PHAX: variants seen among roughly 807,000 people sequenced by gnomAD.
PHAX encodes phosphorylated adaptor for RNA export, also known as phosphorylated adapter RNA export protein.
Under a neutral mutation model 41.6 loss-of-function variants are expected in PHAX, and 31 were observed. The observed-to-expected ratio is 0.75, with a 90% CI of 0.56 to 1.01. PHAX has a LOEUF of 1.01. Among genes scored for constraint, PHAX ranks in the 50% least tolerant of loss-of-function variants. The pLI, the probability that PHAX is intolerant of heterozygous loss-of-function variation, is 0.00. For missense variants in PHAX, 453 were observed against 472.9 expected (o/e 0.96, Z 0.39); for synonymous variants, 175 against 164.9 (o/e 1.06, Z -0.47).
chr5:126,618,844 A>G (rs1006586013), intron 4 of PHAX, among the ~76,000 whole-genome samples: 1 of 151,958 alleles, frequency 6.6e-6, no homozygotes. Flanking sequence ...ATTTTAGTAG[A>G]GATGGGGTTT....
At position 126,611,135 on chromosome 5, in the gene PHAX, A is replaced by C. The variant is rs1752090268; in HGVS notation, c.831+2651A>C. 2.7e-5 allele frequency among the ~76,000 whole-genome samples: 4 copies of C among 150,144 alleles called. No homozygotes were observed. In the South Asian group the frequency reaches 8.4e-4, roughly 31 times the overall value. On this transcript the variant is annotated intron_variant, in intron 3 of 4. Transcript: ENST00000297540. ...CAATGGCGCAATCTTGGCTCACCAC[A>C]ACCTCTGCCTCCCGGGTTCAAGCGA...
rs1420798699 is a variant in PHAX at position 126,625,143 on chromosome 5, A to C, written c.*299A>C. 1 of 260,344 alleles carries C rather than the reference A, an allele frequency of 3.8e-6. No homozygotes were observed. The highest frequency in any genetic ancestry group is 7.5e-5 in the East Asian group (1 of 13,320). 16.1% of individuals were successfully genotyped at this position (260,344 alleles called of 1,614,324 possible). ...GTCTAGGTCATAACATACCATTTGT[A>C]AGTTTGTTTGCTTTTTCAGGTTTAT... On this transcript the variant is annotated 3_prime_UTR_variant, in exon 5 of 5. Transcript: ENST00000297540.
intron 2 of PHAX, among the ~76,000 whole-genome samples, chr5:126,604,931 G>T (rs2112829293): frequency 6.6e-6 from 1 of 152,142 alleles, no homozygotes. Flanking sequence ...CTACTCGGGA[G>T]GCTGAGGCAG....
rs144924147 is a variant in PHAX at position 126,608,805 on chromosome 5, A to G, written c.831+321A>G. Reference sequence around the variant, plus strand: ...TACAAAATTAGCCAAGCGTGGTGGCACATACCTGTAATCGCAGCTACTCAG... The same window carrying G: ...TACAAAATTAGCCAAGCGTGGTGGCGCATACCTGTAATCGCAGCTACTCAG... On this transcript the variant is annotated intron_variant, in intron 3 of 4. Coordinates refer to ENST00000297540, the MANE Select transcript of PHAX (RefSeq NM_032177.4). Among the ~76,000 whole-genome samples the G allele has an allele frequency of 6.8e-3, 1,037 of 151,912 alleles. 12 individuals carry two copies. The highest frequency in any genetic ancestry group is 0.019 in the African/African-American group (787 of 41,438).
intron 3 of PHAX, among the ~76,000 whole-genome samples, chr5:126,612,327 G>A (rs1417613421): frequency 6.6e-6 from 1 of 152,122 alleles, no homozygotes; most frequent in Non-Finnish European, 1.5e-5. Flanking sequence ...AGGTCTAGTG[G>A]GAACTTGTTT....
intron 2 of PHAX, among the ~76,000 whole-genome samples, chr5:126,605,166 ATTTTT>A (rs879878122): frequency 7.0e-6 from 1 of 143,448 alleles, no homozygotes; most frequent in East Asian, 2.0e-4. Flanking sequence ...CTGTCCACAG[ATTTTT>A]TTTTTTTTTT....
chr5:126,624,619 A>G lies in PHAX; in HGVS notation c.960A>G (p.Lys320=), dbSNP rs1468349134. Residue 320 remains lysine, a synonymous_variant, in exon 5 of 5, where the codon AAA becomes AAG. Transcript: ENST00000297540. ...ACCAAAAGGAATATGAAAATAAAAA[A>G]GCTGCTAGGAAGAGGAGAACACAAG... ...IENQKEYENK[K]AARKRRTQVL... The G allele has an allele frequency of 1.7e-5, 28 of 1,603,404 alleles. No homozygotes were observed. The highest frequency in any genetic ancestry group is 1.7e-4 in the Middle Eastern group (1 of 6,024).
chr5:126,602,848 CA>C (rs1235012605), intron 1 of PHAX, among the ~76,000 whole-genome samples: 6 of 151,732 alleles, frequency 4.0e-5, no homozygotes, highest in Non-Finnish European at 7.4e-5. Flanking sequence ...ACTAAAAATA[CA>C]AAAAAATTAG....
At chr5:126,609,186 C>T (rs1051490632) in intron 3 of PHAX, among the ~76,000 whole-genome samples, 1 of 148,006 alleles carries the variant, frequency 6.8e-6, no homozygotes, top group African/African-American at 2.5e-5. Flanking sequence ...CTGCAACCTC[C>T]GCCTCCCGAG....
chr5:126,609,588 A>G (rs1025460953), intron 3 of PHAX, among the ~76,000 whole-genome samples: 1 of 152,108 alleles, frequency 6.6e-6, no homozygotes, highest in Non-Finnish European at 1.5e-5. Context: ...GATTAGTCCT[A>G]CATTTTAAGG....
rs1449752541 is a variant in PHAX, at chr5:126,625,859, C to T, written c.*1015C>T. ...GGGATCACAGGTGTGTACCACCACGCCCAGCTGATTTTTGTATTTTTAGTA... is the reference window on the plus strand; with the variant it reads ...GGGATCACAGGTGTGTACCACCACGTCCAGCTGATTTTTGTATTTTTAGTA... On this transcript the variant is annotated 3_prime_UTR_variant, in exon 5 of 5. Transcript: ENST00000297540. 6.6e-6 allele frequency: 1 copy of T among 151,936 alleles called. No homozygotes were observed. Among genetic ancestry groups the T allele is most frequent in the Non-Finnish European group, 1.5e-5 (1 of 68,018 alleles). 9.4% of individuals were successfully genotyped at this position (151,936 alleles called of 1,614,324 possible). A position where few individuals can be genotyped will look rare whatever the true frequency, so the allele number is the denominator to read the frequency against.
At position 126,603,577 on chromosome 5, in the gene PHAX, T is replaced by C. The variant is rs1751937052; in HGVS notation, c.104T>C (p.Leu35Pro). Residue 35 changes from leucine to proline, a missense_variant, in exon 2 of 5, where the codon CTA (leucine) becomes CCA (proline). Leu to Pro is a moderately conservative substitution (Grantham distance 98). Coordinates refer to ENST00000297540, the MANE Select transcript of PHAX (RefSeq NM_032177.4). The part of the protein sequence containing the change: ...SDRPLQLPKV[L>P]GGDSAMRAFQ... ...GTTTCTTTTCACTTGCAGAAAGTGC[T>C]AGGTGGCGACAGTGCTATGAGGGCC... The C allele has an allele frequency of 1.9e-6, 3 of 1,604,414 alleles. No homozygotes were observed. The highest frequency in any genetic ancestry group is 2.6e-6 in the Non-Finnish European group (3 of 1,172,508).
intron 2 of PHAX, among the ~76,000 whole-genome samples, chr5:126,607,760 C>T (rs1752013634): frequency 2.0e-5 from 3 of 152,134 alleles, no homozygotes; most frequent in South Asian, 4.1e-4. Context: ...CTTAGGCTAC[C>T]TATGTTTCTA....
intron 1 of PHAX, among the ~76,000 whole-genome samples, 179 bp downstream of exon 1, chr5:126,601,237 C>T (rs1273455631): frequency 2.6e-5 from 4 of 152,002 alleles, no homozygotes; most frequent in African/African-American, 7.2e-5. Flanking sequence ...CAGGCGGGCT[C>T]ACGGAGCCCG....
intron 3 of PHAX, among the ~76,000 whole-genome samples, 180 bp from the exon 4 acceptor site, chr5:126,617,070 G>GTT: frequency 6.6e-6 from 1 of 152,112 alleles, no homozygotes; most frequent in East Asian, 1.9e-4. Flanking sequence ...TATAGATGAA[G>GTT]AAACTGAAAC....
At chr5:126,618,843 G>A (rs941569592) in intron 4 of PHAX, among the ~76,000 whole-genome samples, 3 of 152,066 alleles carry the variant, frequency 2.0e-5, no homozygotes, top group Admixed American at 6.6e-5. Flanking sequence ...TATTTTAGTA[G>A]AGATGGGGTT....
intron 3 of PHAX, among the ~76,000 whole-genome samples, chr5:126,616,533 T>C (rs1165603467): frequency 1.3e-5 from 2 of 152,202 alleles, no homozygotes; most frequent in African/African-American, 4.8e-5. Context: ...TAGTTTTATT[T>C]TGGAACCATA....
Position 126,601,009 on chromosome 5 carries a change from C to G in PHAX, c.47C>G (p.Ser16Trp). ...ATGGAAGATGGGCAGCTTTCCGACT[C>G]GGATTCCGACATGACGGTCGCACCC... The part of the protein sequence containing the change: ...GDMEDGQLSD[S>W]DSDMTVAPSD... The change falls in exon 1 of 5, where the codon TCG becomes TGG. Residue 16 changes from serine (S) to tryptophan (W), a missense_variant. Physicochemically the swap from Ser to Trp is radical, Grantham distance 177. Transcript: ENST00000297540. The G allele has an allele frequency of 1.2e-6, 2 of 1,606,370 alleles. No homozygotes were observed. The highest frequency in any genetic ancestry group is 8.5e-7 in the Non-Finnish European group (1 of 1,176,554).
At chr5:126,617,813 T>C (rs1408621841) in intron 4 of PHAX, among the ~76,000 whole-genome samples, 1 of 152,174 alleles carries the variant, frequency 6.6e-6, no homozygotes, top group East Asian at 1.9e-4. Flanking sequence ...GGGGTCTTGC[T>C]GTGTTGCCCA....
Sources: gnomAD v4.1 joint callset for allele counts (sites outside exome capture counted in the v4.1 genomes callset) on GRCh38, gnomAD v4.1.1 for gene constraint, MANE v1.5 for transcripts, NCBI Gene and HGNC (gene_info 2026-07-23, HGNC 2026-07-21) for gene names.